The following FRMPD4 variants were observed in gnomAD, a reference collection of about 807,000 sequenced individuals.
The protein encoded by FRMPD4 is FERM and PDZ domain-containing protein 4.
FRMPD4 carries 22 observed loss-of-function variants against 94.1 expected under a neutral mutation model. The ratio of observed to expected loss-of-function variants is 0.23; its 90% CI spans 0.17 to 0.33. The LOEUF (loss-of-function observed/expected upper bound fraction) is 0.33, where lower values mean the gene tolerates loss of function less well. Ranked by LOEUF, FRMPD4 falls within the 10% of genes least tolerant of loss-of-function variation. FRMPD4 has a pLI of 1.00. For missense variants in FRMPD4, 1,111 were observed against 1,339.9 expected (o/e 0.83, Z 2.67); for synonymous variants, 631 against 548.6 (o/e 1.15, Z -2.10).
intron 1 of FRMPD4, among the ~76,000 whole-genome samples, chrX:12,459,321 A>G (rs988807653): frequency 1.8e-5 from 2 of 110,994 alleles, no homozygotes; most frequent in Admixed American, 1.9e-4. Context: ...AGCATTATTG[A>G]AATATAATTT....
chrX:12,374,555 T>C (rs1320570458), intron 1 of FRMPD4, among the ~76,000 whole-genome samples: 2 of 111,598 alleles, frequency 1.8e-5, no homozygotes, highest in African/African-American at 6.5e-5. Context: ...TAAATAATAT[T>C]GGAAGGCAGT....
intron 4 of FRMPD4, among the ~76,000 whole-genome samples, chrX:12,642,306 A>C (rs950971437): frequency 3.6e-5 from 4 of 112,020 alleles, no homozygotes; most frequent in Non-Finnish European, 5.6e-5. Context: ...TAGGAGTAGA[A>C]GATTCAGTAG....
chrX:11,897,424 A>G (rs1433268846), intron 3 of FRMPD4, among the ~76,000 whole-genome samples: 2 of 111,663 alleles, frequency 1.8e-5, no homozygotes, highest in Admixed American at 1.9e-4. Context: ...ACTTCAAAAT[A>G]ATTAGCTGGA....
At chrX:11,974,550 TA>T (rs1569135560) in intron 3 of FRMPD4, among the ~76,000 whole-genome samples, 4 of 111,997 alleles carry the variant, frequency 3.6e-5, no homozygotes, top group Non-Finnish European at 7.5e-5. Context: ...CTAAGGCAAC[TA>T]AGACAAAAGC....
intron 1 of FRMPD4, among the ~76,000 whole-genome samples, chrX:12,230,731 A>T (rs1569199415): frequency 9.5e-6 from 1 of 105,351 alleles, no homozygotes; most frequent in East Asian, 3.0e-4. Flanking sequence ...TGCATTTGTT[A>T]TTTAAATGAA....
chrX:12,235,425 A>T (rs1316921662), intron 1 of FRMPD4, among the ~76,000 whole-genome samples: 19 of 112,267 alleles, frequency 1.7e-4, no homozygotes, highest in Non-Finnish European at 3.2e-4. Context: ...GGGGCCAGTT[A>T]CTGGAAATTT....
At chrX:12,247,308 C>T (rs1231449732) in intron 1 of FRMPD4, among the ~76,000 whole-genome samples, 1 of 111,074 alleles carries the variant, frequency 9.0e-6, no homozygotes, top group Non-Finnish European at 1.9e-5. Context: ...AGTTGAGAAC[C>T]TCTGCTCCCT....
chrX:12,195,425 G>C (rs2056554998), intron 1 of FRMPD4, among the ~76,000 whole-genome samples: 1 of 112,091 alleles, frequency 8.9e-6, no homozygotes, highest in African/African-American at 3.2e-5. Context: ...ACCAAGTCTG[G>C]AGGAATCCAT....
intron 1 of FRMPD4, among the ~76,000 whole-genome samples, chrX:12,252,664 A>G (rs935217377): frequency 1.8e-5 from 2 of 111,993 alleles, no homozygotes; most frequent in South Asian, 3.7e-4. Flanking sequence ...ATATGATAAC[A>G]TTCATGTATG....
intron 3 of FRMPD4, among the ~76,000 whole-genome samples, chrX:12,079,082 T>C (rs2055042545): frequency 9.0e-6 from 1 of 111,523 alleles, no homozygotes; most frequent in Non-Finnish European, 1.9e-5. Context: ...ATTGGAAATT[T>C]AGAACTGGTT....
At chrX:12,047,116 T>C (rs762284883) in intron 3 of FRMPD4, among the ~76,000 whole-genome samples, 2 of 109,955 alleles carry the variant, frequency 1.8e-5, no homozygotes, top group East Asian at 5.6e-4. Flanking sequence ...TATGGTTATA[T>C]ATATGGTTAT....
intron 3 of FRMPD4, among the ~76,000 whole-genome samples, chrX:11,915,053 A>G (rs1025109238): frequency 2.7e-5 from 3 of 112,430 alleles, no homozygotes; most frequent in Non-Finnish European, 5.6e-5. Context: ...CAAAAAAAAG[A>G]GCTTTCAGGG....
intron 1 of FRMPD4, among the ~76,000 whole-genome samples, chrX:12,417,512 G>A (rs1340965951): frequency 1.9e-5 from 2 of 104,524 alleles, no homozygotes; most frequent in African/African-American, 3.5e-5. Context: ...CCAGGAGGTG[G>A]AGGTTGCAGT....
intron 8 of FRMPD4, 84 bp downstream of exon 8, chrX:12,690,410 C>A: frequency 1.2e-6 from 1 of 819,846 alleles, no homozygotes; most frequent in Non-Finnish European, 1.7e-6. Flanking sequence ...CCACTCTAAT[C>A]CTGTAAATGT....
intron 1 of FRMPD4, among the ~76,000 whole-genome samples, chrX:12,207,756 A>G (rs759258403): frequency 1.8e-5 from 2 of 109,852 alleles, no homozygotes; most frequent in Admixed American, 9.7e-5. Flanking sequence ...GGGAGGGGGA[A>G]TCCTGGAAAT....
rs1229209728 is a variant in FRMPD4 at position 12,683,541 on chromosome X, T to C, written c.527T>C (p.Val176Ala). 1.3e-5 allele frequency: 15 copies of C among 1,189,269 alleles called. No homozygotes were observed. Among genetic ancestry groups the C allele is most frequent in the Non-Finnish European group, 1.7e-5 (15 of 876,815 alleles). Residue 176 changes from valine to alanine, a missense_variant, in exon 6 of 17, where the codon GTC becomes GCC. By Grantham distance (64) the Val-to-Ala change is moderately conservative (BLOSUM62 0). Transcript: ENST00000675598. ...AKKARLKSNPVKVRFSEEVII... is the reference protein window; with the variant it reads ...AKKARLKSNPAKVRFSEEVII... ...AAGGCAAGATTAAAGTCCAATCCTG[T>C]CAAAGTACGCTTCTCTGAGGAGGTC...
intron 1 of FRMPD4, among the ~76,000 whole-genome samples, chrX:12,173,872 T>C (rs374707840): frequency 9.0e-6 from 1 of 110,917 alleles, no homozygotes; most frequent in East Asian, 2.8e-4. Context: ...AAGCTGTCAC[T>C]AGGATGGCCC....
chrX:12,333,968 C>T (rs1462936899), intron 1 of FRMPD4, among the ~76,000 whole-genome samples: 2 of 111,803 alleles, frequency 1.8e-5, no homozygotes, highest in Non-Finnish European at 3.8e-5. Flanking sequence ...CTTTAGATAA[C>T]AGGCTTTTCT....
intron 4 of FRMPD4, among the ~76,000 whole-genome samples, chrX:12,671,574 AG>A (rs2059843845): frequency 9.1e-6 from 1 of 110,030 alleles, no homozygotes; most frequent in Admixed American, 9.7e-5. Flanking sequence ...ATCACACACC[AG>A]GGCCTGTTGG....
Sources: allele counts gnomAD v4.1 joint callset (sites outside exome capture counted in the v4.1 genomes callset), GRCh38; gene constraint gnomAD v4.1.1; transcripts MANE v1.5; gene names NCBI Gene and HGNC (gene_info 2026-07-23, HGNC 2026-07-21).